Variants in PLXNA2 observed in about 807,000 individuals in gnomAD.
PLXNA2 encodes the protein plexin A2.
A neutral mutation model predicts 193.5 loss-of-function variants in PLXNA2; 91 were observed. The ratio of observed to expected loss-of-function variants is 0.47; its 90% CI spans 0.40 to 0.56. The LOEUF (loss-of-function observed/expected upper bound fraction) is 0.56. Among genes scored for constraint, PLXNA2 ranks in the 20% least tolerant of loss-of-function variants. PLXNA2 has a pLI of 0.00. For synonymous variants in PLXNA2, 997 were observed against 1,027.3 expected (o/e 0.97, Z 0.56); for missense variants, 1,995 against 2,503.2 (o/e 0.80, Z 4.33).
chr1:208,196,318 T>TC (rs1156865114), intron 3 of PLXNA2, among the ~76,000 whole-genome samples: 6 of 152,100 alleles, frequency 3.9e-5, no homozygotes, highest in African/African-American at 1.4e-4. Flanking sequence ...ACACACTGTT[T>TC]CCTAGGGTTT....
At position 208,027,032 on chromosome 1, in the gene PLXNA2, G is replaced by GATGGAC. The variant is rs1300382781; in HGVS notation, c.*205_*210dup. 3 of 507,502 alleles carry GATGGAC rather than the reference G, an allele frequency of 5.9e-6. No individual in the cohort carries two copies. The highest frequency in any genetic ancestry group is 1.1e-5 in the Non-Finnish European group (3 of 282,114). The allele number at this position is 507,502 out of a possible 1,614,324, so 31.4% of individuals were successfully genotyped here. A position where few individuals can be genotyped will look rare whatever the true frequency, so the allele number is the denominator to read the frequency against. On this transcript the variant is annotated 3_prime_UTR_variant, in exon 32 of 32. Transcript: ENST00000367033. Reference sequence around the variant, plus strand: ...CGGGTTCTCTGGTGTTCTCACTGAGGATGGACGACGCCCACTGTCTCTCCC... The same window carrying GATGGAC: ...CGGGTTCTCTGGTGTTCTCACTGAGGATGGACATGGACGACGCCCACTGTCTCTCCC...
Position 208,033,465 on chromosome 1 carries a change from G to T in PLXNA2, c.4909C>A (p.Arg1637=), listed in dbSNP as rs766365246. 1.1e-5 allele frequency: 17 copies of T among 1,613,152 alleles called. No homozygotes were observed. Among genetic ancestry groups the T allele is most frequent in the Non-Finnish European group, 1.4e-5 (16 of 1,179,470 alleles). Residue 1637 remains arginine (R), a synonymous_variant, in exon 28 of 32, where the codon CGG becomes AGG. Coordinates refer to ENST00000367033, the MANE Select transcript of PLXNA2 (RefSeq NM_025179.4). ...AGGTCTGGGGTGATCATCGGGGCCC[G>T]GGACCGCAGGCTGTCGGGGCTGCCC... ...YTGSPDSLRS[R]APMITPDLES...
chr1:208,199,522 C>A (rs1670470760), intron 3 of PLXNA2, among the ~76,000 whole-genome samples: 1 of 152,052 alleles, frequency 6.6e-6, no homozygotes, highest in Non-Finnish European at 1.5e-5. Context: ...GAAACCCCGT[C>A]TCTACTAAAA....
In PLXNA2 at chr1:208,151,824, G is replaced by A. The variant is rs538004921; in HGVS notation, c.1372-9361C>T. Among the ~76,000 whole-genome samples, 5 of 152,324 alleles carry A rather than the reference G, an allele frequency of 3.3e-5. No individual in the cohort carries two copies. In the South Asian group the frequency reaches 8.3e-4, roughly 25 times the overall value. On this transcript the variant is annotated intron_variant, in intron 3 of 31. Transcript: ENST00000367033. ...CTGAATCTGTCTGATTCCAAAGCCT[G>A]AACTCTTTTATTCTGCCTCCCTCCA...
rs1220722980 is a variant in PLXNA2 at position 208,027,025 on chromosome 1, C to T, written c.*218G>A. ...CCGGCCCCGGGTTCTCTGGTGTTCT[C>T]ACTGAGGATGGACGACGCCCACTGT... On this transcript the variant is annotated 3_prime_UTR_variant, in exon 32 of 32. Coordinates refer to ENST00000367033, the MANE Select transcript of PLXNA2 (RefSeq NM_025179.4). The T allele has an allele frequency of 2.0e-6, 1 of 496,166 alleles. No individual in the cohort carries two copies. The highest frequency in any genetic ancestry group is 3.6e-6 in the Non-Finnish European group (1 of 275,506). The allele number at this position is 496,166 out of a possible 1,614,324, so 30.7% of individuals were successfully genotyped here.
chr1:208,067,171 G>A (rs542117070), intron 12 of PLXNA2, among the ~76,000 whole-genome samples: 13 of 151,982 alleles, frequency 8.6e-5, no homozygotes, highest in African/African-American at 2.7e-4. Flanking sequence ...ATGGGGAAAC[G>A]CTGTCTCTAT....
chr1:208,213,447 CTTTGTT>C (rs1671027129), intron 2 of PLXNA2, among the ~76,000 whole-genome samples: 1 of 152,132 alleles, frequency 6.6e-6, no homozygotes, highest in South Asian at 2.1e-4. Context: ...CTTTGTGAGC[CTTTGTT>C]TTTTAATCTG....
chr1:208,040,956 G>T (rs551119551), intron 22 of PLXNA2, among the ~76,000 whole-genome samples: 25 of 152,320 alleles, frequency 1.6e-4, no homozygotes, highest in African/African-American at 6.0e-4. Flanking sequence ...TTAACTCCCT[G>T]CACGTGGTGC....
chr1:208,177,384 T>G (rs1669690222), intron 3 of PLXNA2, among the ~76,000 whole-genome samples: 1 of 152,182 alleles, frequency 6.6e-6, no homozygotes, highest in Non-Finnish European at 1.5e-5. Flanking sequence ...CTGTGTAACC[T>G]TCAAATCTCT....
chr1:208,078,207 A>C (rs1413069692), intron 12 of PLXNA2, among the ~76,000 whole-genome samples: 2 of 152,168 alleles, frequency 1.3e-5, no homozygotes, highest in African/African-American at 2.4e-5. Context: ...GTGAGGATTA[A>C]ATGTAATTTA....
intron 20 of PLXNA2, among the ~76,000 whole-genome samples, chr1:208,043,675 G>A (rs1396977084): frequency 3.3e-5 from 5 of 152,144 alleles, no homozygotes; most frequent in African/African-American, 1.2e-4. Context: ...GAAGGCAAGG[G>A]CTTCAGAAGC....
chr1:208,083,748 G>A (rs1666421710), intron 10 of PLXNA2, among the ~76,000 whole-genome samples: 1 of 152,084 alleles, frequency 6.6e-6, no homozygotes, highest in African/African-American at 2.4e-5. Context: ...AACACCTCAT[G>A]CTCTCTGTCT....
intron 1 of PLXNA2, among the ~76,000 whole-genome samples, chr1:208,233,277 T>C (rs1277115166): frequency 6.6e-6 from 1 of 152,246 alleles, no homozygotes; most frequent in Admixed American, 6.5e-5. Flanking sequence ...AAACACTCGT[T>C]CAGTCAAATG....
At chr1:208,134,092 G>A in intron 4 of PLXNA2, among the ~76,000 whole-genome samples, 1 of 152,152 alleles carries the variant, frequency 6.6e-6, no homozygotes, top group East Asian at 1.9e-4. Flanking sequence ...CCCAGCCTGG[G>A]CATTGTATTC....
intron 26 of PLXNA2, among the ~76,000 whole-genome samples, chr1:208,035,984 T>C (rs540489513): frequency 2.0e-5 from 3 of 152,332 alleles, no homozygotes; most frequent in African/African-American, 7.2e-5. Context: ...CTGCAAGGGC[T>C]CCAAGGACCT....
At chr1:208,140,690 T>G (rs778740178) in intron 4 of PLXNA2, among the ~76,000 whole-genome samples, 7 of 152,250 alleles carry the variant, frequency 4.6e-5, no homozygotes, top group Non-Finnish European at 8.8e-5. Context: ...TTCTGCTGTT[T>G]TCTTTTCTGT....
At chr1:208,207,284 G>A (rs963200086) in intron 3 of PLXNA2, among the ~76,000 whole-genome samples, 3 of 152,224 alleles carry the variant, frequency 2.0e-5, no homozygotes, top group Non-Finnish European at 4.4e-5. Context: ...GGGATTATAG[G>A]CATGAGCCAC....
chr1:208,193,210 A>C (rs1398533794), intron 3 of PLXNA2, among the ~76,000 whole-genome samples: 3 of 152,254 alleles, frequency 2.0e-5, no homozygotes, highest in African/African-American at 7.2e-5. Context: ...GCTCAAAGAC[A>C]GCAGAGGCCC....
intron 4 of PLXNA2, among the ~76,000 whole-genome samples, chr1:208,113,705 C>T (rs1045323096): frequency 6.6e-6 from 1 of 151,970 alleles, no homozygotes; most frequent in Non-Finnish European, 1.5e-5. Flanking sequence ...ATGTCATGTG[C>T]CACCATGCCT....
Sources: gnomAD v4.1 joint callset for allele counts (sites outside exome capture counted in the v4.1 genomes callset) on GRCh38, gnomAD v4.1.1 for gene constraint, MANE v1.5 for transcripts, NCBI Gene and HGNC (gene_info 2026-07-23, HGNC 2026-07-21) for gene names.